Variants in SNX29 observed in about 807,000 individuals in gnomAD.
SNX29 encodes sorting nexin-29.
In SNX29, 78 loss-of-function variants were observed where a neutral mutation model predicts 102.1. The ratio of observed to expected loss-of-function variants is 0.76; its 90% CI spans 0.64 to 0.92. SNX29 has a LOEUF of 0.92. SNX29 is among the 40% of genes least tolerant of loss of function. The probability of loss-of-function intolerance (pLI) is 0.00; values close to 1 mark genes in which losing one functional copy is unlikely to be tolerated. For missense variants in SNX29, 1,280 were observed against 1,061.7 expected (o/e 1.21, Z -2.86); for synonymous variants, 580 against 414.5 (o/e 1.40, Z -4.85).
chr16:12,509,794 A>G lies in SNX29; in HGVS notation c.2179-14908A>G, dbSNP rs181489459. Among the ~76,000 whole-genome samples, 3 of 152,252 alleles carry G rather than the reference A, an allele frequency of 2.0e-5. No homozygotes were observed. The East Asian group carries it at 5.8e-4, about 29-fold the overall frequency. On this transcript the variant is annotated intron_variant, in intron 19 of 20. Transcript: ENST00000566228. ...AATGAATGAATAGATCCACCCCTCC[A>G]TTCCGCCACATGAGTGAATGCCGTT...
At chr16:12,066,603 G>T (rs574344196) in intron 9 of SNX29, among the ~76,000 whole-genome samples, 56 of 152,182 alleles carry the variant, frequency 3.7e-4, no homozygotes, top group Non-Finnish European at 7.6e-4. Context: ...GACCTTGCCA[G>T]ATGTGCCGAG....
chr16:12,206,384 CA>C (rs59859762), intron 14 of SNX29, among the ~76,000 whole-genome samples: 8,251 of 92,082 alleles, frequency 0.09, 252 homozygotes, highest in East Asian at 0.27. Context: ...AAATAGCTTT[CA>C]AAAAAAAAAA....
At chr16:12,549,025 G>A (rs984202940) in intron 20 of SNX29, among the ~76,000 whole-genome samples, 1 of 152,228 alleles carries the variant, frequency 6.6e-6, no homozygotes, top group Non-Finnish European at 1.5e-5. Context: ...TAAAAAGCTT[G>A]TGGAGTATCT....
chr16:12,036,882 A>C (rs1250506938), intron 4 of SNX29, among the ~76,000 whole-genome samples: 2 of 152,186 alleles, frequency 1.3e-5, no homozygotes, highest in South Asian at 2.1e-4. Context: ...TTTAAGAAAA[A>C]AAAGATGAAG....
intron 20 of SNX29, among the ~76,000 whole-genome samples, chr16:12,540,336 A>G (rs1213236585): frequency 3.3e-5 from 5 of 152,276 alleles, no homozygotes; most frequent in Middle Eastern, 3.4e-3. Flanking sequence ...TCTTATGATT[A>G]AAGAGGAACG....
At chr16:12,108,973 C>CA (rs1427044626) in intron 11 of SNX29, among the ~76,000 whole-genome samples, 1 of 151,456 alleles carries the variant, frequency 6.6e-6, no homozygotes, top group Non-Finnish European at 1.5e-5. Flanking sequence ...ACTAAAAATA[C>CA]AAAAATTAGC....
At chr16:12,365,210 G>C (rs893405837) in intron 16 of SNX29, among the ~76,000 whole-genome samples, 4 of 152,098 alleles carry the variant, frequency 2.6e-5, no homozygotes, top group African/African-American at 9.7e-5. Context: ...CAGCACTCTG[G>C]ATGGTTTTAA....
At chr16:12,364,157 TTGTTTGTTA>T (rs1450020248) in intron 16 of SNX29, among the ~76,000 whole-genome samples, 193 of 146,506 alleles carry the variant, frequency 1.3e-3, no homozygotes, top group Non-Finnish European at 2.5e-3. Context: ...CAAGCCTGGC[TTGTTTGTTA>T]TGTTATGTTA....
chr16:12,431,033 G>C (rs1358281707), intron 18 of SNX29, among the ~76,000 whole-genome samples: 1 of 152,120 alleles, frequency 6.6e-6, no homozygotes, highest in African/African-American at 2.4e-5. Flanking sequence ...TGTATTTTTA[G>C]TAGAGACGGA....
intron 19 of SNX29, among the ~76,000 whole-genome samples, chr16:12,518,830 G>A (rs1376388146): frequency 2.0e-5 from 3 of 152,164 alleles, no homozygotes; most frequent in Non-Finnish European, 2.9e-5. Context: ...GATTGCAGGG[G>A]ATTTCGCTGC....
chr16:12,549,602 T>G (rs1353232396), intron 20 of SNX29, among the ~76,000 whole-genome samples: 2 of 152,178 alleles, frequency 1.3e-5, no homozygotes, highest in Non-Finnish European at 2.9e-5. Flanking sequence ...CTTTTTCTAC[T>G]CCAGAGTCCT....
At chr16:12,289,864 A>T (rs1168013545) in intron 15 of SNX29, among the ~76,000 whole-genome samples, 1 of 151,736 alleles carries the variant, frequency 6.6e-6, no homozygotes, top group Non-Finnish European at 1.5e-5. Flanking sequence ...AGTGAAAGAG[A>T]TGTAGTCCTG....
chr16:11,996,051 C>T (rs994235397), intron 1 of SNX29, among the ~76,000 whole-genome samples: 1 of 149,744 alleles, frequency 6.7e-6, no homozygotes, highest in Non-Finnish European at 1.5e-5. Flanking sequence ...CACAGCAACA[C>T]TCCGTCTCAG....
At chr16:12,159,073 A>AT (rs1386746646) in intron 13 of SNX29, among the ~76,000 whole-genome samples, 1 of 152,248 alleles carries the variant, frequency 6.6e-6, no homozygotes, top group Admixed American at 6.5e-5. Flanking sequence ...CATCTTGTGC[A>AT]TAACTGCATT....
intron 7 of SNX29, among the ~76,000 whole-genome samples, chr16:12,050,910 G>A (rs887829742): frequency 6.6e-5 from 10 of 151,398 alleles, no homozygotes; most frequent in East Asian, 1.9e-4. Flanking sequence ...TAATACAGAC[G>A]GGGTTTCACC....
At chr16:12,157,843 A>G (rs569070080) in intron 13 of SNX29, among the ~76,000 whole-genome samples, 3 of 152,094 alleles carry the variant, frequency 2.0e-5, no homozygotes, top group Non-Finnish European at 4.4e-5. Context: ...GGGCCTTTGC[A>G]TGTGCTTGTC....
chr16:12,492,673 G>T (rs1385920647), intron 19 of SNX29, among the ~76,000 whole-genome samples: 3 of 152,158 alleles, frequency 2.0e-5, no homozygotes, highest in Non-Finnish European at 4.4e-5. Context: ...GGTCTAACAT[G>T]TAAGTCTTTA....
At chr16:12,082,960 T>C (rs575751269) in intron 11 of SNX29, among the ~76,000 whole-genome samples, 1 of 152,260 alleles carries the variant, frequency 6.6e-6, no homozygotes, top group Admixed American at 6.5e-5. Context: ...GGGTATTTGC[T>C]TGGGCTACCA....
At chr16:12,553,688 T>A (rs1411910998) in intron 20 of SNX29, among the ~76,000 whole-genome samples, 1 of 149,854 alleles carries the variant, frequency 6.7e-6, no homozygotes, top group Non-Finnish European at 1.5e-5. Context: ...CCTCCTGGGT[T>A]CAAACAATTC....
Sources: gnomAD v4.1 joint callset for allele counts (sites outside exome capture counted in the v4.1 genomes callset) on GRCh38, gnomAD v4.1.1 for gene constraint, MANE v1.5 for transcripts, NCBI Gene and HGNC (gene_info 2026-07-23, HGNC 2026-07-21) for gene names.